The following NFS1 variants were observed in gnomAD, a reference collection of about 807,000 sequenced individuals.
The protein encoded by NFS1 is cysteine desulfurase.
A neutral mutation model predicts 57.3 loss-of-function variants in NFS1; 26 were observed. The ratio of observed to expected loss-of-function variants is 0.45; its 90% confidence interval spans 0.33 to 0.63. The LOEUF (loss-of-function observed/expected upper bound fraction) is 0.63. Ranked by LOEUF, NFS1 falls within the 20% of genes least tolerant of loss-of-function variation. The probability of loss-of-function intolerance (pLI) is 0.02; values close to 1 mark genes in which losing one functional copy is unlikely to be tolerated. For missense variants in NFS1, 505 were observed against 605.8 expected, an observed-to-expected ratio of 0.83 and a Z score of 1.75; for synonymous variants, 209 against 216.3, an observed-to-expected ratio of 0.97 and a Z score of 0.30.
In NFS1 at chr20:35,698,527, G is replaced by GGCC; in HGVS notation, c.158_160dup (p.Gly53_Pro54insArg). 6.2e-7 allele frequency: 1 copy of GGCC among 1,613,936 alleles called. No homozygotes were observed. The highest frequency in any genetic ancestry group is 8.5e-7 in the Non-Finnish European group (1 of 1,179,900). ...ATCCATATAGAGAGGTCGCAGCACT[G>GGCC]GCCCCACCTCCGGGGCAGCGGCTGT... On this transcript the variant is annotated inframe_insertion, in exon 2 of 13. Transcript: ENST00000374092.
intron 7 of NFS1, among the ~76,000 whole-genome samples, chr20:35,678,117 A>C (rs1007432090): frequency 7.2e-5 from 11 of 151,972 alleles, no homozygotes; most frequent in African/African-American, 2.7e-4. Flanking sequence ...TGGGAGGCCG[A>C]GGCGGGCAGA....
chr20:35,686,993 GC>G (rs2034955276), intron 5 of NFS1, among the ~76,000 whole-genome samples: 1 of 152,156 alleles, frequency 6.6e-6, no homozygotes, highest in South Asian at 2.1e-4. Flanking sequence ...AAGACAAGAG[GC>G]GAGCCTTCTG....
At position 35,674,338 on chromosome 20, in the gene NFS1, C is replaced by T. The variant is rs955420424; in HGVS notation, c.1136+12G>A. ...GCCCTGCCGCAGGCCCTGTCTATGC[C>T]GTCCAGCTCACCTCCCTGAGGATAA... On this transcript the variant is annotated intron_variant, in intron 10 of 12. Coordinates refer to ENST00000374092, the MANE Select transcript of NFS1 (RefSeq NM_021100.5). 6.8e-6 allele frequency: 11 copies of T among 1,612,210 alleles called. No individual in the cohort carries two copies. The highest frequency in any genetic ancestry group is 3.3e-5 in the Admixed American group (2 of 59,982).
chr20:35,681,030 T>C (rs2034839730), intron 6 of NFS1, among the ~76,000 whole-genome samples, 159 bp from the exon 7 acceptor site: 1 of 147,130 alleles, frequency 6.8e-6, no homozygotes, highest in Non-Finnish European at 1.5e-5. Flanking sequence ...TTTCCTTCCC[T>C]CCTCCCCCTT....
chr20:35,696,263 A>C, intron 4 of NFS1, 114 bp downstream of exon 4: 1 of 741,460 alleles, frequency 1.3e-6, no homozygotes, highest in Admixed American at 2.0e-5. Context: ...CCTTCTCTTC[A>C]CAATGGGGTG....
Position 35,669,258 on chromosome 20 carries a change from C to T in NFS1, c.*364G>A, listed in dbSNP as rs931104825. 52 of 177,146 alleles carry T rather than the reference C, an allele frequency of 2.9e-4. No individual in the cohort carries two copies. The Admixed American group carries it at 3.2e-3, about 11-fold the overall frequency. The allele number at this position is 177,146 out of a possible 1,614,324, so 11.0% of individuals were successfully genotyped here. A position where few individuals can be genotyped will look rare whatever the true frequency, so the allele number is the denominator to read the frequency against. ...CGAGCAGCAGCAGAAGACGAAGACT[C>T]AAATGTCCATGTAGAGCATCATGGT... On this transcript the variant is annotated 3_prime_UTR_variant, in exon 13 of 13. Coordinates refer to ENST00000374092, the MANE Select transcript of NFS1 (RefSeq NM_021100.5).
At chr20:35,694,276 C>T (rs567735789) in intron 4 of NFS1, among the ~76,000 whole-genome samples, 59 of 151,938 alleles carry the variant, frequency 3.9e-4, no homozygotes, top group African/African-American at 1.4e-3. Flanking sequence ...TTCCAAGTAG[C>T]TAGGACTACA....
chr20:35,672,654 G>T (rs1190937534), intron 12 of NFS1, 101 bp downstream of exon 12: 9 of 772,208 alleles, frequency 1.2e-5, no homozygotes, highest in Non-Finnish European at 2.1e-5. Context: ...ATCCAAGTAC[G>T]CTTGAACTTT....
intron 1 of NFS1, 94 bp from the exon 2 acceptor site, chr20:35,698,684 T>A (rs2035186109): frequency 1.4e-6 from 2 of 1,471,956 alleles, no homozygotes; most frequent in South Asian, 1.4e-5. Flanking sequence ...TGGCTGGAGG[T>A]GAGATAAGTG....
Position 35,669,509 on chromosome 20 carries a change from C to T in NFS1, c.*113G>A. On this transcript the variant is annotated 3_prime_UTR_variant, in exon 13 of 13. Coordinates refer to ENST00000374092, the MANE Select transcript of NFS1 (RefSeq NM_021100.5). ...CATAGAGGTGGACTGATGCTGAAGT[C>T]AACTGGTCTATACCAATCTAGAGCA... 1.1e-6 allele frequency: 1 copy of T among 879,650 alleles called. No homozygotes were observed. Among genetic ancestry groups the T allele is most frequent in the Non-Finnish European group, 1.9e-6 (1 of 530,018 alleles). 54.5% of individuals were successfully genotyped at this position (879,650 alleles called of 1,614,324 possible).
rs747360267 is a variant in NFS1, at chr20:35,690,437, C to T, written c.537G>A (p.Gln179=). 6.2e-7 allele frequency: 1 copy of T among 1,613,850 alleles called. No individual in the cohort carries two copies. Among genetic ancestry groups the T allele is most frequent in the Middle Eastern group, 1.7e-4 (1 of 5,918 alleles). Residue 179 remains glutamine (Q), a synonymous_variant, in exon 5 of 13, where the codon CAG becomes CAA. Coordinates refer to ENST00000374092, the MANE Select transcript of NFS1 (RefSeq NM_021100.5). Reference sequence around the variant, plus strand: ...CCTTTAGGTCAATGATCCCACTCTTCTGCACTGGGAGGTAGGTGACCTGAA... The same window carrying T: ...CCTTTAGGTCAATGATCCCACTCTTTTGCACTGGGAGGTAGGTGACCTGAA... The part of the protein sequence containing the change: ...EGFQVTYLPV[Q]KSGIIDLKEL...
chr20:35,698,513 G>A lies in NFS1; in HGVS notation c.175C>T (p.Leu59Phe). Residue 59 changes from leucine to phenylalanine, a missense_variant, in exon 2 of 13, where the codon CTC (leucine) becomes TTC (phenylalanine). By Grantham distance (22) the Leu-to-Phe change is conservative. Transcript: ENST00000374092. ...APEVGPVLRP[L>F]YMDVQATTPL... is the part of the protein sequence containing the mutation. ...GTTGTAGCTTGCACATCCATATAGA[G>A]AGGTCGCAGCACTGGCCCCACCTCC... 6 of 1,613,694 alleles carry A rather than the reference G, an allele frequency of 3.7e-6. No homozygotes were observed. In the East Asian group the frequency reaches 6.7e-5, roughly 18 times the overall value.
intron 12 of NFS1, among the ~76,000 whole-genome samples, chr20:35,672,399 G>A (rs1461468395): frequency 1.1e-4 from 16 of 152,008 alleles, no homozygotes; most frequent in Admixed American, 9.8e-4. Context: ...ATAGGGATGC[G>A]CCACCACTCC....
intron 4 of NFS1, among the ~76,000 whole-genome samples, chr20:35,696,024 G>A (rs2035127594): frequency 6.6e-6 from 1 of 151,806 alleles, no homozygotes; most frequent in Non-Finnish European, 1.5e-5. Context: ...TGGCGACAGA[G>A]TGAGACTATG....
At chr20:35,692,526 CTAAAAAAAAAAA>C (rs1428078258) in intron 4 of NFS1, among the ~76,000 whole-genome samples, 4 of 60,412 alleles carry the variant, frequency 6.6e-5, no homozygotes, top group African/African-American at 3.1e-4. Context: ...ATCATCTATA[CTAAAAAAAAAAA>C]AAAAAAAAAA....
Position 35,668,659 on chromosome 20 carries a change from C to G in NFS1, c.*963G>C, listed in dbSNP as rs1451103104. On this transcript the variant is annotated 3_prime_UTR_variant, in exon 13 of 13. Transcript: ENST00000374092. ...TGGTAGGTTTTCCCTGCTATGTCCT[C>G]TTACCACTTAATTCTTTCATAGCAC... 3 of 152,206 alleles carry G rather than the reference C, an allele frequency of 2.0e-5. No homozygotes were observed. Among genetic ancestry groups the G allele is most frequent in the South Asian group, 4.1e-4 (2 of 4,832 alleles). 9.4% of individuals were successfully genotyped at this position (152,206 alleles called of 1,614,324 possible).
In NFS1 at chr20:35,669,040, T is replaced by C. The variant is rs534621481; in HGVS notation, c.*582A>G. On this transcript the variant is annotated 3_prime_UTR_variant, in exon 13 of 13. Coordinates refer to ENST00000374092, the MANE Select transcript of NFS1 (RefSeq NM_021100.5). ...GAAAACAAATTATTAGAATAACTGG[T>C]GGAGTCACAGACATATTTCTAGCTC... The C allele has an allele frequency of 5.3e-5, 8 of 152,220 alleles. No individual in the cohort carries two copies. Among genetic ancestry groups the C allele is most frequent in the African/African-American group, 1.7e-4 (7 of 41,518 alleles). The allele number at this position is 152,220 out of a possible 1,614,324, so 9.4% of individuals were successfully genotyped here.
At chr20:35,687,659 T>C (rs1407366784) in intron 5 of NFS1, among the ~76,000 whole-genome samples, 1 of 152,170 alleles carries the variant, frequency 6.6e-6, no homozygotes, top group Admixed American at 6.6e-5. Flanking sequence ...CTCTGTCTTG[T>C]GTCTTTATTT....
chr20:35,684,975 C>T (rs2034914022), intron 5 of NFS1, among the ~76,000 whole-genome samples: 1 of 151,312 alleles, frequency 6.6e-6, no homozygotes, highest in African/African-American at 2.4e-5. Context: ...CAACCTCCGC[C>T]TCCCAGGTTC....
Sources: allele counts gnomAD v4.1 joint callset (sites outside exome capture counted in the v4.1 genomes callset), GRCh38; gene constraint gnomAD v4.1.1; transcripts MANE v1.5; gene names NCBI Gene and HGNC (gene_info 2026-07-23, HGNC 2026-07-21).